IL1RAP: variants seen among roughly 807,000 people sequenced by gnomAD.
IL1RAP encodes interleukin-1 receptor accessory protein.
In IL1RAP, 35 loss-of-function variants were observed where a neutral mutation model predicts 60.7. The ratio of observed to expected loss-of-function variants is 0.58; its 90% CI spans 0.44 to 0.76. The LOEUF (loss-of-function observed/expected upper bound fraction) is 0.76, where lower values mean the gene tolerates loss of function less well. Ranked by LOEUF, IL1RAP falls within the 30% of genes least tolerant of loss-of-function variation. IL1RAP has a pLI of 0.00. For synonymous variants in IL1RAP, 268 were observed against 250.9 expected (o/e 1.07, Z -0.64); for missense variants, 572 against 693.9 (o/e 0.82, Z 1.97).
chr3:190,649,740 A>G lies in IL1RAP; in HGVS notation c.*1035A>G, dbSNP rs998564074. The stretch of plus-strand genomic sequence containing the variant: ...GAGTTGCTTTTGGCATTAATATTCT[A>G]AGAGAATTAACTGTATTTCCTGTCA... On this transcript the variant is annotated 3_prime_UTR_variant, in exon 12 of 12. Coordinates refer to ENST00000447382, the MANE Select transcript of IL1RAP (RefSeq NM_002182.4). 7 of 985,638 alleles carry G rather than the reference A, an allele frequency of 7.1e-6. No homozygotes were observed. Among genetic ancestry groups the G allele is most frequent in the Admixed American group, 6.2e-5 (1 of 16,256 alleles). 61.1% of individuals were successfully genotyped at this position (985,638 alleles called of 1,614,324 possible).
intron 1 of IL1RAP, chr3:190,518,527 G>A (rs1448672522): frequency 6.6e-6 from 1 of 152,152 alleles, no homozygotes; most frequent in Non-Finnish European, 1.5e-5. Flanking sequence ...GGCTCATAGA[G>A]TTACGTAGCA....
intron 1 of IL1RAP, among the ~76,000 whole-genome samples, chr3:190,547,808 G>GAAATATGTGGCCAAT (rs1560157996): frequency 1.3e-5 from 2 of 152,192 alleles, no homozygotes; most frequent in Non-Finnish European, 2.9e-5. Context: ...TAGGGACAAT[G>GAAATATGTGGCCAAT]AAATATGTGG....
At chr3:190,647,263 C>T (rs1734081472) in intron 11 of IL1RAP, among the ~76,000 whole-genome samples, 1 of 152,100 alleles carries the variant, frequency 6.6e-6, no homozygotes, top group Admixed American at 6.6e-5. Context: ...AGATTTTAAT[C>T]ACAAGGCTTT....
At chr3:190,538,635 C>G (rs1346118025) in intron 1 of IL1RAP, among the ~76,000 whole-genome samples, 1 of 152,150 alleles carries the variant, frequency 6.6e-6, no homozygotes, top group Non-Finnish European at 1.5e-5. Flanking sequence ...TGTCTGGTTT[C>G]CATCATTGCT....
At chr3:190,616,141 A>C (rs1021406512) in intron 5 of IL1RAP, among the ~76,000 whole-genome samples, 1 of 152,206 alleles carries the variant, frequency 6.6e-6, no homozygotes, top group Non-Finnish European at 1.5e-5. Context: ...ACAAAGCCAA[A>C]TTCAAATAGC....
chr3:190,569,337 C>G (rs184141777), intron 3 of IL1RAP, among the ~76,000 whole-genome samples: 20 of 152,304 alleles, frequency 1.3e-4, no homozygotes, highest in African/African-American at 4.1e-4. Context: ...CCAGTGGCCT[C>G]ATTTTATTTG....
intron 3 of IL1RAP, among the ~76,000 whole-genome samples, chr3:190,599,491 T>G (rs1368346280): frequency 6.7e-6 from 1 of 150,298 alleles, no homozygotes; most frequent in Non-Finnish European, 1.5e-5. Context: ...TAAAGTGACT[T>G]TTTTTTTTTC....
At chr3:190,518,172 T>C (rs1383796210) in intron 1 of IL1RAP, 1 of 152,062 alleles carries the variant, frequency 6.6e-6, no homozygotes, top group Non-Finnish European at 1.5e-5. Context: ...TAACTCTCTG[T>C]AGCAGCTGTG....
intron 5 of IL1RAP, among the ~76,000 whole-genome samples, chr3:190,618,263 T>G (rs1200799994): frequency 6.6e-6 from 1 of 152,244 alleles, no homozygotes; most frequent in Non-Finnish European, 1.5e-5. Context: ...TTAACGTTTC[T>G]AGGCCTTGTT....
intron 3 of IL1RAP, among the ~76,000 whole-genome samples, chr3:190,588,359 G>T (rs745482401): frequency 6.6e-6 from 1 of 152,200 alleles, no homozygotes; most frequent in African/African-American, 2.4e-5. Flanking sequence ...TGATCCGCCC[G>T]CCTGGGCCTC....
At chr3:190,546,988 T>G (rs1341484149) in intron 1 of IL1RAP, among the ~76,000 whole-genome samples, 1 of 152,254 alleles carries the variant, frequency 6.6e-6, no homozygotes, top group Non-Finnish European at 1.5e-5. Context: ...ACGTTCTGCA[T>G]TCCTGCTCAA....
chr3:190,555,302 C>CCCTCTACTCCGCTTCCT (rs1725313480), intron 1 of IL1RAP, among the ~76,000 whole-genome samples: 1 of 151,400 alleles, frequency 6.6e-6, no homozygotes, highest in African/African-American at 2.4e-5. Context: ...TTCCTCCCTC[C>CCCTCTACTCCGCTTCCT]TCTCTACTCC....
chr3:190,539,991 G>A (rs1330949953), intron 1 of IL1RAP, among the ~76,000 whole-genome samples: 2 of 151,904 alleles, frequency 1.3e-5, no homozygotes, highest in Non-Finnish European at 2.9e-5. Context: ...GCATTTGAAT[G>A]ATACAAAAAT....
At chr3:190,581,035 A>G (rs1344917989) in intron 3 of IL1RAP, among the ~76,000 whole-genome samples, 4 of 152,238 alleles carry the variant, frequency 2.6e-5, no homozygotes, top group Non-Finnish European at 4.4e-5. Flanking sequence ...TTGTGAATTC[A>G]GAGGTCTTCA....
chr3:190,537,202 A>G (rs946145526), intron 1 of IL1RAP, among the ~76,000 whole-genome samples: 1 of 151,484 alleles, frequency 6.6e-6, no homozygotes, highest in African/African-American at 2.4e-5. Flanking sequence ...TTTACTTTAG[A>G]TACATTTTCT....
chr3:190,569,666 C>T (rs1407281607), intron 3 of IL1RAP, among the ~76,000 whole-genome samples: 1 of 151,644 alleles, frequency 6.6e-6, no homozygotes, highest in Non-Finnish European at 1.5e-5. Flanking sequence ...GGTGGATTTA[C>T]TGTAGCCTGA....
In IL1RAP at chr3:190,649,761, T is replaced by C. The variant is rs1474041191; in HGVS notation, c.*1056T>C. 7.5e-5 allele frequency: 74 copies of C among 985,542 alleles called. No homozygotes were observed. The highest frequency in any genetic ancestry group is 8.7e-5 in the Non-Finnish European group (72 of 829,930). The allele number at this position is 985,542 out of a possible 1,614,324, so 61.0% of individuals were successfully genotyped here. A position where few individuals can be genotyped will look rare whatever the true frequency, so the allele number is the denominator to read the frequency against. ...TTCTAAGAGAATTAACTGTATTTCCTGTCACCTATTCACTAGTGCAGGAAA... is the reference window on the plus strand; with the variant it reads ...TTCTAAGAGAATTAACTGTATTTCCCGTCACCTATTCACTAGTGCAGGAAA... On this transcript the variant is annotated 3_prime_UTR_variant, in exon 12 of 12. Coordinates refer to ENST00000447382, the MANE Select transcript of IL1RAP (RefSeq NM_002182.4).
rs1392784883 is a variant in IL1RAP at position 190,529,530 on chromosome 3, C to CA, written c.-89+15316dup. On this transcript the variant is annotated intron_variant, in intron 1 of 11. Transcript: ENST00000447382. ...TGAAACCCCATCTCTACTAAAAATA[C>CA]AAAAATTAGCTGGGTGTGGTGACGC... 3.3e-5 allele frequency among the ~76,000 whole-genome samples: 5 copies of CA among 151,924 alleles called. No homozygotes were observed. The East Asian group carries it at 5.8e-4, about 18-fold the overall frequency.
At chr3:190,559,058 A>G (rs56741749) in intron 2 of IL1RAP, among the ~76,000 whole-genome samples, 22,889 of 152,130 alleles carry the variant, frequency 0.15, 2,100 homozygotes, top group African/African-American at 0.26. Flanking sequence ...ATATATTTCT[A>G]TTCCTTTAAT....
Sources: gnomAD v4.1 joint callset for allele counts (sites outside exome capture counted in the v4.1 genomes callset) on GRCh38, gnomAD v4.1.1 for gene constraint, MANE v1.5 for transcripts, NCBI Gene and HGNC (gene_info 2026-07-23, HGNC 2026-07-21) for gene names.